The following CALN1 variants were observed in gnomAD, a reference collection of about 807,000 sequenced individuals.
CALN1 encodes the protein calneuron 1, also known as calcium-binding protein 8.
A neutral mutation model predicts 30.6 loss-of-function variants in CALN1; 17 were observed. The ratio of observed to expected loss-of-function variants is 0.56; its 90% CI spans 0.38 to 0.83. The LOEUF is 0.83. Among genes scored for constraint, CALN1 ranks in the 40% least tolerant of loss-of-function variants. CALN1 has a pLI of 0.00. For missense variants in CALN1, 291 were observed against 354.9 expected (o/e 0.82, Z 1.45); for synonymous variants, 156 against 131.4 (o/e 1.19, Z -1.28).
intron 2 of CALN1, among the ~76,000 whole-genome samples, chr7:72,388,616 C>G (rs1315992666): frequency 6.6e-6 from 1 of 152,160 alleles, no homozygotes; most frequent in East Asian, 1.9e-4. Context: ...CAAAACCGTT[C>G]TAAAAAAAGT....
At chr7:72,304,190 G>A (rs529656514) in intron 2 of CALN1, among the ~76,000 whole-genome samples, 1 of 152,344 alleles carries the variant, frequency 6.6e-6, no homozygotes, top group South Asian at 2.1e-4. Flanking sequence ...AAGTTTATAA[G>A]CTAAAGCAAT....
chr7:72,200,983 A>C (rs1361405249), intron 3 of CALN1, among the ~76,000 whole-genome samples: 1 of 152,236 alleles, frequency 6.6e-6, no homozygotes, highest in African/African-American at 2.4e-5. Flanking sequence ...TGTTACTCAC[A>C]TGTTTATTGC....
intron 2 of CALN1, among the ~76,000 whole-genome samples, chr7:72,386,007 G>C (rs146855561): frequency 6.6e-6 from 1 of 152,114 alleles, no homozygotes; most frequent in Non-Finnish European, 1.5e-5. Flanking sequence ...ATATATGTAA[G>C]TGAGAGAAGC....
At chr7:71,906,409 G>A (rs1447531014) in intron 5 of CALN1, among the ~76,000 whole-genome samples, 1 of 152,162 alleles carries the variant, frequency 6.6e-6, no homozygotes, top group Non-Finnish European at 1.5e-5. Context: ...AGATGCAGAT[G>A]GAATTCATAA....
chr7:72,293,794 A>G (rs1397434689), intron 2 of CALN1, among the ~76,000 whole-genome samples: 2 of 152,204 alleles, frequency 1.3e-5, no homozygotes, highest in African/African-American at 4.8e-5. Context: ...CTGAGCATTC[A>G]GGTAGAAAAT....
intron 3 of CALN1, among the ~76,000 whole-genome samples, chr7:72,192,588 T>C (rs1562714713): frequency 6.6e-6 from 1 of 151,902 alleles, no homozygotes; most frequent in Non-Finnish European, 1.5e-5. Flanking sequence ...TAGGACCCGC[T>C]AAAATACCCT....
intron 2 of CALN1, among the ~76,000 whole-genome samples, chr7:72,355,959 A>T (rs946491661): frequency 2.0e-5 from 3 of 152,242 alleles, no homozygotes; most frequent in Non-Finnish European, 4.4e-5. Flanking sequence ...TTGAAAAGAA[A>T]GAAGAAAATG....
intron 2 of CALN1, among the ~76,000 whole-genome samples, chr7:72,305,143 C>T (rs1799564278): frequency 2.0e-5 from 3 of 152,192 alleles, no homozygotes; most frequent in Non-Finnish European, 4.4e-5. Context: ...CCAGGACAGA[C>T]ATGTGCCTCC....
In CALN1 at chr7:72,207,434, T is replaced by C. The variant is rs548522965; in HGVS notation, c.244+71252A>G. On this transcript the variant is annotated intron_variant, in intron 3 of 6. Coordinates refer to ENST00000395275, the MANE Select transcript of CALN1 (RefSeq NM_031468.4). ...GCCTGTTTTATTTTCTTGAGAGCAC[T>C]TACAAGTAGCTAAATTCAGCCAGTT... 9.9e-5 allele frequency among the ~76,000 whole-genome samples: 15 copies of C among 152,262 alleles called. No individual in the cohort carries two copies. The East Asian group carries it at 2.1e-3, about 22-fold the overall frequency.
intron 4 of CALN1, among the ~76,000 whole-genome samples, chr7:72,066,112 G>A (rs1804004748): frequency 6.6e-6 from 1 of 152,186 alleles, no homozygotes; most frequent in Non-Finnish European, 1.5e-5. Flanking sequence ...TCTTGTTTTT[G>A]TATAGTTGAT....
chr7:72,288,656 T>G (rs1229965652), intron 2 of CALN1, among the ~76,000 whole-genome samples: 1 of 152,246 alleles, frequency 6.6e-6, no homozygotes, highest in African/African-American at 2.4e-5. Context: ...TGTTTCATTT[T>G]TAATTGGATT....
chr7:71,940,490 T>C (rs1313670261), intron 5 of CALN1, among the ~76,000 whole-genome samples: 2 of 152,224 alleles, frequency 1.3e-5, no homozygotes, highest in Non-Finnish European at 2.9e-5. Context: ...AATGCACTCT[T>C]CTCTCTGACT....
intron 4 of CALN1, among the ~76,000 whole-genome samples, chr7:72,099,314 T>G (rs959105855): frequency 6.7e-6 from 1 of 149,920 alleles, no homozygotes; most frequent in African/African-American, 2.5e-5. Context: ...ACATACTAGT[T>G]TGGTGTGATT....
intron 5 of CALN1, among the ~76,000 whole-genome samples, chr7:71,903,623 G>T (rs1042187684): frequency 1.3e-5 from 2 of 152,064 alleles, no homozygotes; most frequent in Non-Finnish European, 2.9e-5. Context: ...TAAATGAAAA[G>T]CTTCATGACA....
chr7:71,937,754 C>T (rs559798258), intron 5 of CALN1, among the ~76,000 whole-genome samples: 2 of 152,312 alleles, frequency 1.3e-5, no homozygotes, highest in South Asian at 2.1e-4. Context: ...GATGGGATTA[C>T]AGGCATGAGC....
At chr7:72,438,589 G>C (rs1347396233) in intron 1 of CALN1, among the ~76,000 whole-genome samples, 1 of 152,148 alleles carries the variant, frequency 6.6e-6, no homozygotes, top group Non-Finnish European at 1.5e-5. Context: ...CCGCCACGTA[G>C]AGACATCACA....
intron 6 of CALN1, among the ~76,000 whole-genome samples, chr7:71,794,565 T>C (rs1213273690): frequency 6.6e-6 from 1 of 152,184 alleles, no homozygotes; most frequent in African/African-American, 2.4e-5. Context: ...TAAAAGGAGC[T>C]AATAATTGCT....
chr7:72,309,089 A>T lies in CALN1; in HGVS notation c.120-30279T>A, dbSNP rs1799861681. The stretch of plus-strand genomic sequence containing the variant: ...AAACTGCAGAGTTAGTAAGTGGTAG[A>T]CCAGGCAGTTTAGCTCCAGAGGCAA... On this transcript the variant is annotated intron_variant, in intron 2 of 6. Coordinates refer to ENST00000395275, the MANE Select transcript of CALN1 (RefSeq NM_031468.4). Among the ~76,000 whole-genome samples the T allele has an allele frequency of 1.3e-5, 2 of 152,202 alleles. 1 individual carries two copies. Among genetic ancestry groups the T allele is most frequent in the South Asian group, 4.1e-4 (2 of 4,832 alleles).
chr7:72,413,276 GCACA>G (rs888940517), upstream of CALN1, among the ~76,000 whole-genome samples: 1 of 142,234 alleles, frequency 7.0e-6, no homozygotes, highest in Non-Finnish European at 1.5e-5. Context: ...ACACACACAT[GCACA>G]CACACACCAC....
Sources: allele counts gnomAD v4.1 joint callset (sites outside exome capture counted in the v4.1 genomes callset), GRCh38; gene constraint gnomAD v4.1.1; transcripts MANE v1.5; gene names NCBI Gene and HGNC (gene_info 2026-07-23, HGNC 2026-07-21).